Variants in HAVCR1 observed in about 807,000 individuals in gnomAD.
HAVCR1 encodes hepatitis A virus cellular receptor 1.
HAVCR1 carries 34 observed loss-of-function variants against 32.0 expected under a neutral mutation model. The ratio of observed to expected loss-of-function variants is 1.06; its 90% CI spans 0.81 to 1.42. HAVCR1 has a LOEUF of 1.42. HAVCR1 is among the 40% of genes most tolerant of loss of function. The pLI is 0.00. For synonymous variants in HAVCR1, 178 were observed against 170.3 expected (o/e 1.05, Z -0.35); for missense variants, 420 against 442.3 (o/e 0.95, Z 0.45).
chr5:157,051,008 T>C (rs1359743548), intron 4 of HAVCR1, among the ~76,000 whole-genome samples: 1 of 152,184 alleles, frequency 6.6e-6, no homozygotes, highest in Admixed American at 6.6e-5. Flanking sequence ...GGTCAATGGA[T>C]TTCTGAGGGC....
At chr5:157,043,057 G>A (rs562489318) in intron 5 of HAVCR1, among the ~76,000 whole-genome samples, 1 of 152,314 alleles carries the variant, frequency 6.6e-6, no homozygotes, top group South Asian at 2.1e-4. Context: ...CTAAACAGCT[G>A]TAAATGAATG....
At position 157,037,379 on chromosome 5, in the gene HAVCR1, G is replaced by A. The variant is rs1313828880; in HGVS notation, c.838-18C>T. ...AACAGTTGCTGAGGAAACAACAACAGATCAAAAAAGCATCTTGTTAGAAAG... is the reference window on the plus strand; with the variant it reads ...AACAGTTGCTGAGGAAACAACAACAAATCAAAAAAGCATCTTGTTAGAAAG... On this transcript the variant is annotated intron_variant, in intron 6 of 8. Transcript: ENST00000523175. 1.9e-6 allele frequency: 2 copies of A among 1,046,462 alleles called. No homozygotes were observed. Among genetic ancestry groups the A allele is most frequent in the Non-Finnish European group, 3.0e-6 (2 of 676,182 alleles). 64.8% of individuals were successfully genotyped at this position (1,046,462 alleles called of 1,614,324 possible).
chr5:157,055,371 G>A lies in HAVCR1; in HGVS notation c.209C>T (p.Thr70Ile), dbSNP rs745465901. Reference protein sequence around the residue: ...GIVWTNGTHVTYRKDTRYKLL... With the variant: ...GIVWTNGTHVIYRKDTRYKLL... ...CTTATAGCGTGTGTCCTTCCGATAG[G>A]TGACGTGGGTTCCATTGGTCCAGAC... The change falls in exon 3 of 9, where the codon ACC (threonine) becomes ATC (isoleucine). Residue 70 changes from threonine (T) to isoleucine (I), a missense_variant. Transcript: ENST00000523175. The A allele has an allele frequency of 3.7e-6, 6 of 1,613,786 alleles. No homozygotes were observed. Among genetic ancestry groups the A allele is most frequent in the East Asian group, 2.2e-5 (1 of 44,894 alleles).
In HAVCR1 at chr5:157,036,253, C is replaced by T. The variant is rs371122582; in HGVS notation, c.952+994G>A. Among the ~76,000 whole-genome samples the T allele has an allele frequency of 4.6e-5, 7 of 152,090 alleles. No homozygotes were observed. The East Asian group carries it at 9.7e-4, about 21-fold the overall frequency. On this transcript the variant is annotated intron_variant, in intron 7 of 8. Transcript: ENST00000523175. ...CAGCACTTTGGGAGGCCAAGGCAGGCGGATCACAAGGTCAGGAGATCGAGA... is the reference window on the plus strand; with the variant it reads ...CAGCACTTTGGGAGGCCAAGGCAGGTGGATCACAAGGTCAGGAGATCGAGA...
chr5:157,036,875 T>C (rs371709740), intron 7 of HAVCR1, among the ~76,000 whole-genome samples: 5 of 151,272 alleles, frequency 3.3e-5, no homozygotes, highest in African/African-American at 1.2e-4. Context: ...GTTTGTTTTG[T>C]TTTGCTTTTT....
intron 6 of HAVCR1, among the ~76,000 whole-genome samples, chr5:157,042,303 A>G (rs1435831794): frequency 3.4e-5 from 5 of 147,398 alleles, no homozygotes; most frequent in East Asian, 4.2e-4. Context: ...TTAGCCGGGC[A>G]TGGTGGCGGG....
At chr5:157,041,251 A>G (rs895194041) in intron 6 of HAVCR1, among the ~76,000 whole-genome samples, 7 of 152,186 alleles carry the variant, frequency 4.6e-5, no homozygotes, top group African/African-American at 7.2e-5. Flanking sequence ...TAATTCCAGC[A>G]CTTTGGGAGG....
In HAVCR1 at chr5:157,049,128, A is replaced by C; in HGVS notation, c.691T>G (p.Ser231Ala). 3 of 1,607,952 alleles carry C rather than the reference A, an allele frequency of 1.9e-6. No individual in the cohort carries two copies. Among genetic ancestry groups the C allele is most frequent in the Non-Finnish European group, 2.6e-6 (3 of 1,174,396 alleles). The change falls in exon 5 of 9, where the codon TCA becomes GCA. Residue 231 changes from serine (S) to alanine (A), a missense_variant. Physicochemically the swap from Ser to Ala is moderately conservative, Grantham distance 99. Transcript: ENST00000523175. ...GGGTGGGTTTCTGCTGGCTGAGGTG[A>C]AGATGGTGAAGTGGCTACTGGAATG... ...NHEPVATSPS[S>A]PQPAETHPTT...
chr5:157,060,260 T>C (rs1387704186), upstream of HAVCR1, among the ~76,000 whole-genome samples: 1 of 151,934 alleles, frequency 6.6e-6, no homozygotes, highest in Non-Finnish European at 1.5e-5. Context: ...AAATCTTTAC[T>C]CAAATTACTG....
intron 7 of HAVCR1, among the ~76,000 whole-genome samples, chr5:157,034,281 T>C (rs1173400191): frequency 6.6e-6 from 1 of 151,576 alleles, no homozygotes; most frequent in East Asian, 1.9e-4. Flanking sequence ...AAGGTCTCTG[T>C]GTCATAAATA....
At chr5:157,030,760 T>C (rs1407562576) in intron 8 of HAVCR1, among the ~76,000 whole-genome samples, 3 of 152,246 alleles carry the variant, frequency 2.0e-5, no homozygotes, top group Non-Finnish European at 2.9e-5. Flanking sequence ...TATTTGTATA[T>C]AGTGACTATT....
intron 3 of HAVCR1, among the ~76,000 whole-genome samples, chr5:157,053,125 G>T (rs543775292): frequency 6.6e-6 from 1 of 152,084 alleles, no homozygotes; most frequent in Admixed American, 6.6e-5. Context: ...GGTGGCTCAC[G>T]CCTGTAATCC....
chr5:157,044,472 G>GAAAGA (rs1561590439), intron 5 of HAVCR1, among the ~76,000 whole-genome samples: 44 of 32,198 alleles, frequency 1.4e-3, no homozygotes, highest in African/African-American at 2.9e-3. Context: ...AGAAAGAAAG[G>GAAAGA]AAGGAAGGAA....
chr5:157,065,057 G>A, the HAVCR1 span, among the ~76,000 whole-genome samples: 1 of 152,194 alleles, frequency 6.6e-6, no homozygotes, highest in Non-Finnish European at 1.5e-5. Context: ...GCTGGGTGCG[G>A]TGGCTCACGC....
At chr5:157,058,346 G>A (rs1304067867) in intron 1 of HAVCR1, 3 of 162,298 alleles carry the variant, frequency 1.8e-5, no homozygotes, top group Non-Finnish European at 2.7e-5. Context: ...GGCAGATCAC[G>A]AAGTCAGGAG....
intron 2 of HAVCR1, among the ~76,000 whole-genome samples, chr5:157,057,421 A>G (rs558043502): frequency 5.4e-5 from 8 of 148,314 alleles, no homozygotes; most frequent in African/African-American, 2.0e-4. Context: ...GAAAGAAAGA[A>G]AGAAAGAAAG....
At chr5:157,059,326 G>A (rs924957653), upstream of HAVCR1, among the ~76,000 whole-genome samples, 1 of 152,214 alleles carries the variant, frequency 6.6e-6, no homozygotes, top group African/African-American at 2.4e-5. Flanking sequence ...GCTCATGACA[G>A]GGTTCATGGG....
chr5:157,064,518 A>G, the HAVCR1 span, among the ~76,000 whole-genome samples: 2 of 152,130 alleles, frequency 1.3e-5, no homozygotes, highest in Non-Finnish European at 2.9e-5. Context: ...GATGACTCCA[A>G]GGATTTCGGC....
intron 2 of HAVCR1, among the ~76,000 whole-genome samples, chr5:157,057,614 C>T (rs1266478674): frequency 6.6e-6 from 1 of 152,126 alleles, no homozygotes; most frequent in East Asian, 1.9e-4. Context: ...CATCTAACCA[C>T]ACCCTTTTTG....
Sources: gnomAD v4.1 joint callset for allele counts (sites outside exome capture counted in the v4.1 genomes callset) on GRCh38, gnomAD v4.1.1 for gene constraint, MANE v1.5 for transcripts, NCBI Gene and HGNC (gene_info 2026-07-23, HGNC 2026-07-21) for gene names.